PLEKHA3: variants seen among roughly 807,000 people sequenced by gnomAD.
The protein encoded by PLEKHA3 is pleckstrin homology domain-containing family A member 3.
A neutral mutation model predicts 39.2 loss-of-function variants in PLEKHA3; 19 were observed. The ratio of observed to expected loss-of-function variants is 0.48; its 90% CI spans 0.34 to 0.71. The LOEUF is 0.71. PLEKHA3 is among the 30% of genes least tolerant of loss of function. The pLI is 0.01. For missense variants in PLEKHA3, 253 were observed against 359.5 expected, an observed-to-expected ratio of 0.70 and a Z score of 2.40; for synonymous variants, 97 against 118.6, an observed-to-expected ratio of 0.82 and a Z score of 1.18.
rs1685641044 is a variant in PLEKHA3, at chr2:178,508,798, C to T, written c.*4911C>T. 1 of 153,842 alleles carries T rather than the reference C, an allele frequency of 6.5e-6. No individual in the cohort carries two copies. The highest frequency in any genetic ancestry group is 2.4e-5 in the African/African-American group (1 of 41,444). 9.5% of individuals were successfully genotyped at this position (153,842 alleles called of 1,614,324 possible). ...ATCCGGCCCCACCCCCCAAATCCTC[C>T]TCTGGCTGCTGACCCTCAGGTTCAG... On this transcript the variant is annotated 3_prime_UTR_variant, in exon 8 of 8. Coordinates refer to ENST00000234453, the MANE Select transcript of PLEKHA3 (RefSeq NM_019091.4).
chr2:178,488,698 A>G (rs1414615757), intron 2 of PLEKHA3, among the ~76,000 whole-genome samples: 1 of 152,224 alleles, frequency 6.6e-6, no homozygotes, highest in Non-Finnish European at 1.5e-5. Flanking sequence ...TGTCTTGGCT[A>G]TTGTAAGCCC....
At position 178,495,442 on chromosome 2, in the gene PLEKHA3, A is replaced by C; in HGVS notation, c.451-54A>C. On this transcript the variant is annotated intron_variant, in intron 4 of 7. Coordinates refer to ENST00000234453, the MANE Select transcript of PLEKHA3 (RefSeq NM_019091.4). The stretch of plus-strand genomic sequence containing the variant: ...TTATTATTTAATGATAAGGTTGTAT[A>C]TGATTCCATGTAGTTGTATGCAAAT... 3 of 1,527,226 alleles carry C rather than the reference A, an allele frequency of 2.0e-6. No individual in the cohort carries two copies. The South Asian group carries it at 3.4e-5, about 17-fold the overall frequency. The allele number at this position is 1,527,226 out of a possible 1,614,324, so 94.6% of individuals were successfully genotyped here.
chr2:178,493,228 T>A (rs1398000936), intron 3 of PLEKHA3, among the ~76,000 whole-genome samples: 2 of 152,160 alleles, frequency 1.3e-5, no homozygotes, highest in African/African-American at 4.8e-5. Flanking sequence ...AGGAAGAAAG[T>A]ATGCTCTTAA....
intron 3 of PLEKHA3, among the ~76,000 whole-genome samples, chr2:178,492,475 G>T (rs567678321): frequency 9.1e-6 from 1 of 110,388 alleles, no homozygotes; most frequent in Non-Finnish European, 1.7e-5. Context: ...AATCATGTGG[G>T]GTGGGGGGAG....
At chr2:178,481,150 C>A (rs944165658) in intron 1 of PLEKHA3, among the ~76,000 whole-genome samples, 1 of 152,154 alleles carries the variant, frequency 6.6e-6, no homozygotes, top group African/African-American at 2.4e-5. Context: ...CTAATCCTTG[C>A]CTCCTGTAGC....
At chr2:178,484,097 A>G (rs1685212766) in intron 1 of PLEKHA3, among the ~76,000 whole-genome samples, 2 of 152,200 alleles carry the variant, frequency 1.3e-5, no homozygotes. Flanking sequence ...ACAAAACAAC[A>G]GCAACAATCC....
intron 1 of PLEKHA3, chr2:178,481,716 C>T (rs1685166055): frequency 6.5e-6 from 1 of 153,642 alleles, no homozygotes; most frequent in East Asian, 1.9e-4. Context: ...TCTTTCAGGA[C>T]CTCAGTCTGA....
Position 178,514,620 on chromosome 2 carries a change from C to T in PLEKHA3, c.*10733C>T, listed in dbSNP as rs566457511. Reference sequence around the variant, plus strand: ...ATCCTTCACTTATTAATAGTGCCTTCATGAATTCAAAGACCCTTGTCACAT... The same window carrying T: ...ATCCTTCACTTATTAATAGTGCCTTTATGAATTCAAAGACCCTTGTCACAT... On this transcript the variant is annotated 3_prime_UTR_variant, in exon 8 of 8. Transcript: ENST00000234453. 1.4e-4 allele frequency: 21 copies of T among 151,014 alleles called. No individual in the cohort carries two copies. The highest frequency in any genetic ancestry group is 5.1e-4 in the African/African-American group (21 of 41,106). 9.4% of individuals were successfully genotyped at this position (151,014 alleles called of 1,614,324 possible). A position where few individuals can be genotyped will look rare whatever the true frequency, so the allele number is the denominator to read the frequency against.
chr2:178,493,411 A>G (rs1685388407), intron 3 of PLEKHA3, among the ~76,000 whole-genome samples: 1 of 152,246 alleles, frequency 6.6e-6, no homozygotes, highest in African/African-American at 2.4e-5. Context: ...TTTGCAGTAT[A>G]TAAGATAGAG....
intron 4 of PLEKHA3, among the ~76,000 whole-genome samples, chr2:178,494,555 G>A (rs1440908092): frequency 6.6e-6 from 1 of 152,122 alleles, no homozygotes; most frequent in Admixed American, 6.5e-5. Context: ...GTAGAAGTGG[G>A]GCAAGAAATC....
Position 178,506,881 on chromosome 2 carries a change from C to T in PLEKHA3, c.*2994C>T, listed in dbSNP as rs1400838441. On this transcript the variant is annotated 3_prime_UTR_variant, in exon 8 of 8. Coordinates refer to ENST00000234453, the MANE Select transcript of PLEKHA3 (RefSeq NM_019091.4). ...GGTAGGTAGCTGGTAGGTAGGCCTT[C>T]TTGTTCATGTCTTTCTGTCTCCCCA... 1.3e-5 allele frequency: 2 copies of T among 151,730 alleles called. No homozygotes were observed. Among genetic ancestry groups the T allele is most frequent in the African/African-American group, 4.8e-5 (2 of 41,298 alleles). The allele number at this position is 151,730 out of a possible 1,614,324, so 9.4% of individuals were successfully genotyped here.
intron 2 of PLEKHA3, among the ~76,000 whole-genome samples, chr2:178,490,437 G>T (rs1264856622): frequency 6.6e-6 from 1 of 152,178 alleles, no homozygotes; most frequent in Non-Finnish European, 1.5e-5. Flanking sequence ...TTCATACTCT[G>T]TCATCGCTTT....
intron 5 of PLEKHA3, among the ~76,000 whole-genome samples, chr2:178,497,415 A>G (rs889686305): frequency 2.6e-5 from 4 of 152,000 alleles, no homozygotes; most frequent in Non-Finnish European, 5.9e-5. Context: ...TATTTTTAGT[A>G]GAGACGGGGT....
In PLEKHA3 at chr2:178,509,228, T is replaced by C. The variant is rs993659988; in HGVS notation, c.*5341T>C. On this transcript the variant is annotated 3_prime_UTR_variant, in exon 8 of 8. Transcript: ENST00000234453. ...AATAAATTCATGTGGTTGGTTTGTATGTTTCACTGAAAGTCTAGATTTAAA... is the reference window on the plus strand; with the variant it reads ...AATAAATTCATGTGGTTGGTTTGTACGTTTCACTGAAAGTCTAGATTTAAA... 1.3e-5 allele frequency: 2 copies of C among 152,204 alleles called. No individual in the cohort carries two copies. Among genetic ancestry groups the C allele is most frequent in the African/African-American group, 2.4e-5 (1 of 41,450 alleles). The allele number at this position is 152,204 out of a possible 1,614,324, so 9.4% of individuals were successfully genotyped here. A position where few individuals can be genotyped will look rare whatever the true frequency, so the allele number is the denominator to read the frequency against.
At position 178,505,674 on chromosome 2, in the gene PLEKHA3, T is replaced by C. The variant is rs1334463767; in HGVS notation, c.*1787T>C. ...AGTGAGTTTTTTTGCAGTAATAGGT[T>C]TATAAGGAAAACACCGTAACAAGCT... On this transcript the variant is annotated 3_prime_UTR_variant, in exon 8 of 8. Coordinates refer to ENST00000234453, the MANE Select transcript of PLEKHA3 (RefSeq NM_019091.4). 6.6e-6 allele frequency: 1 copy of C among 151,914 alleles called. No individual in the cohort carries two copies. Among genetic ancestry groups the C allele is most frequent in the East Asian group, 1.9e-4 (1 of 5,170 alleles). The allele number at this position is 151,914 out of a possible 1,614,324, so 9.4% of individuals were successfully genotyped here.
chr2:178,495,728 G>T, intron 5 of PLEKHA3, 68 bp downstream of exon 5: 1 of 1,503,946 alleles, frequency 6.6e-7, no homozygotes, highest in Non-Finnish European at 9.0e-7. Flanking sequence ...TTTCATTTTG[G>T]TATTTATTTT....
In PLEKHA3 at chr2:178,499,260, A is replaced by G. The variant is rs765526975; in HGVS notation, c.659+6A>G. On this transcript the variant is annotated splice_donor_region_variant and intron_variant, in intron 6 of 7. Coordinates refer to ENST00000234453, the MANE Select transcript of PLEKHA3 (RefSeq NM_019091.4). ...GGTTCTTGCAGTTCAGAGAGGTAAA[A>G]GAACCTTTTCTTCTGACTAAGTTCT... The G allele has an allele frequency of 1.2e-6, 2 of 1,611,428 alleles. No individual in the cohort carries two copies. The highest frequency in any genetic ancestry group is 1.7e-6 in the Non-Finnish European group (2 of 1,179,032).
In PLEKHA3 at chr2:178,512,518, C is replaced by A. The variant is rs1685704934; in HGVS notation, c.*8631C>A. ...CACAAAGACTTTTACTCACTTAAAT[C>A]TCAATATAAAGTATATTGCCAGATC... On this transcript the variant is annotated 3_prime_UTR_variant, in exon 8 of 8. Coordinates refer to ENST00000234453, the MANE Select transcript of PLEKHA3 (RefSeq NM_019091.4). 6.6e-6 allele frequency: 1 copy of A among 152,228 alleles called. No homozygotes were observed. The highest frequency in any genetic ancestry group is 2.4e-5 in the African/African-American group (1 of 41,436). The allele number at this position is 152,228 out of a possible 1,614,324, so 9.4% of individuals were successfully genotyped here.
chr2:178,502,843 A>G lies in PLEKHA3; in HGVS notation c.776-917A>G, dbSNP rs767183441. 8.6e-4 allele frequency among the ~76,000 whole-genome samples: 130 copies of G among 151,536 alleles called. 1 individual carries two copies. Among genetic ancestry groups the G allele is most frequent in the Non-Finnish European group, 2.8e-4 (19 of 67,706 alleles). On this transcript the variant is annotated intron_variant, in intron 7 of 7. Transcript: ENST00000234453. ...ACACACACGCGCATACATATAGTTCACTTCTCTAGAACATCTTTAAATTAG... is the reference window on the plus strand; with the variant it reads ...ACACACACGCGCATACATATAGTTCGCTTCTCTAGAACATCTTTAAATTAG...
Sources: gnomAD v4.1 joint callset for allele counts (sites outside exome capture counted in the v4.1 genomes callset) on GRCh38, gnomAD v4.1.1 for gene constraint, MANE v1.5 for transcripts, NCBI Gene and HGNC (gene_info 2026-07-23, HGNC 2026-07-21) for gene names.